MUC17: variants seen among roughly 807,000 people sequenced by gnomAD.
The protein encoded by MUC17 is mucin-17.
Under a neutral mutation model 170.3 loss-of-function variants are expected in MUC17, and 190 were observed. The ratio of observed to expected loss-of-function variants is 1.12; its 90% CI spans 0.99 to 1.26. MUC17 has a LOEUF of 1.26. MUC17 is among the 50% of genes most tolerant of loss of function. The pLI is 0.00. For synonymous variants in MUC17, 2,325 were observed against 2,002.5 expected (o/e 1.16, Z -4.30); for missense variants, 6,415 against 5,530.0 (o/e 1.16, Z -5.08).
rs1240091547 is a variant in MUC17, at chr7:101,029,885, C to T, written c.83-1235C>T. ...AAATGCTGAGATTACAGGCGTGAAC[C>T]ACCGTGCCCGACCTCTTTTAGGTTT... is the stretch of plus-strand genomic sequence containing the variant. On this transcript the variant is annotated intron_variant, in intron 1 of 12. Coordinates refer to ENST00000306151, the MANE Select transcript of MUC17 (RefSeq NM_001040105.2). Among the ~76,000 whole-genome samples, 7 of 152,248 alleles carry T rather than the reference C, an allele frequency of 4.6e-5. No homozygotes were observed. In the East Asian group the frequency reaches 1.4e-3, roughly 29 times the overall value.
At chr7:101,050,149 C>G (rs1794911795) in intron 6 of MUC17, among the ~76,000 whole-genome samples, 1 of 152,112 alleles carries the variant, frequency 6.6e-6, no homozygotes, top group Admixed American at 6.5e-5. Context: ...AACCCAAAAA[C>G]CTCAAGGATG....
At chr7:101,028,216 G>C (rs1330165689) in intron 1 of MUC17, among the ~76,000 whole-genome samples, 1 of 149,630 alleles carries the variant, frequency 6.7e-6, no homozygotes. Flanking sequence ...TCAGCCTCCC[G>C]AGTAGCTGGG....
chr7:101,035,558 C>G lies in MUC17; in HGVS notation c.4142C>G (p.Ser1381Cys). The G allele has an allele frequency of 6.2e-7, 1 of 1,602,648 alleles. No individual in the cohort carries two copies. Among genetic ancestry groups the G allele is most frequent in the Non-Finnish European group, 8.5e-7 (1 of 1,173,528 alleles). The change falls in exon 3 of 13, where the codon TCT becomes TGT. Residue 1381 changes from serine to cysteine, a missense_variant. Physicochemically the swap from Ser to Cys is moderately radical, Grantham distance 112 (BLOSUM62 -1). Transcript: ENST00000306151. The part of the protein sequence containing the change: ...STEACSSPTT[S>C]EGTSMPNSNP... ...GAAGCCTGTTCATCTCCTACAACTT[C>G]TGAAGGTACCAGCATGCCAAACTCA...
chr7:101,031,009 C>T, intron 1 of MUC17, 111 bp from the exon 2 acceptor site: 4 of 1,312,290 alleles, frequency 3.0e-6, no homozygotes, highest in Non-Finnish European at 4.1e-6. Context: ...AATCAGCAGG[C>T]TGGTTCAGGG....
intron 11 of MUC17, among the ~76,000 whole-genome samples, chr7:101,054,056 T>C (rs150474008): frequency 0.18 from 2,892 of 16,214 alleles, 57 homozygotes; most frequent in African/African-American, 0.27. Flanking sequence ...CAAGACCCTG[T>C]CAAAAAAAAA....
rs763016905 is a variant in MUC17 at position 101,041,819 on chromosome 7, C to G, written c.10403C>G (p.Thr3468Arg). Residue 3468 changes from threonine (T) to arginine (R), a missense_variant, in exon 3 of 13, where the codon ACG (threonine) becomes AGG (arginine). Thr to Arg is a moderately conservative substitution (Grantham distance 71, BLOSUM62 -1). Coordinates refer to ENST00000306151, the MANE Select transcript of MUC17 (RefSeq NM_001040105.2). Reference sequence around the variant, plus strand: ...TTATCAATTATGCCTCTCAGTACCACGCCGGTGGCCAGTTCTGAGGCTAGC... The same window carrying G: ...TTATCAATTATGCCTCTCAGTACCAGGCCGGTGGCCAGTTCTGAGGCTAGC... ...TPLSIMPLST[T>R]PVASSEASTL... 1.2e-6 allele frequency: 2 copies of G among 1,614,066 alleles called. No homozygotes were observed. The highest frequency in any genetic ancestry group is 2.2e-5 in the East Asian group (1 of 44,878).
chr7:101,045,514 C>T (rs1305963814), intron 3 of MUC17, among the ~76,000 whole-genome samples: 1 of 152,260 alleles, frequency 6.6e-6, no homozygotes, highest in Admixed American at 6.5e-5. Flanking sequence ...TCACCTCAAC[C>T]TCCCAAGTAG....
intron 3 of MUC17, among the ~76,000 whole-genome samples, chr7:101,047,552 G>A (rs1010481255): frequency 5.3e-5 from 8 of 152,098 alleles, no homozygotes; most frequent in South Asian, 4.1e-4. Flanking sequence ...TGTCGGAGCC[G>A]GGCGCAGTGG....
rs143454108 is a variant in MUC17, at chr7:101,034,239, T to G, written c.2823T>G (p.Ala941=). The G allele has an allele frequency of 1.1e-4, 180 of 1,598,388 alleles. 3 individuals carry two copies. The Middle Eastern group carries it at 3.7e-3, about 33-fold the overall frequency. Residue 941 remains alanine (A), a synonymous_variant, in exon 3 of 13, where the codon GCT becomes GCG. Coordinates refer to ENST00000306151, the MANE Select transcript of MUC17 (RefSeq NM_001040105.2). ...DSTTPVVSSE[A]RTLSATPVDT... ...CCACGCCGGTAGTCAGTTCTGAGGC[T>G]AGAACACTTTCAGCAACTCCTGTTG...
chr7:101,025,811 A>G (rs1017237928), intron 1 of MUC17, among the ~76,000 whole-genome samples: 26 of 150,126 alleles, frequency 1.7e-4, no homozygotes, highest in Non-Finnish European at 3.3e-4. Flanking sequence ...AAAAAAAAAA[A>G]GCTGGGCATG....
rs147264588 is a variant in MUC17 at position 101,033,676 on chromosome 7, G to T, written c.2260G>T (p.Val754Phe). The T allele has an allele frequency of 1.5e-5, 24 of 1,613,514 alleles. No homozygotes were observed. The highest frequency in any genetic ancestry group is 3.3e-4 in the Middle Eastern group (2 of 6,080). The change falls in exon 3 of 13, where the codon GTC becomes TTC. Residue 754 changes from valine (V) to phenylalanine (F), a missense_variant. By Grantham distance (50) the Val-to-Phe change is conservative. Coordinates refer to ENST00000306151, the MANE Select transcript of MUC17 (RefSeq NM_001040105.2). ...AAGCACTCCATTAACAAGTATGCCTGTCAGCAAAACGCTGTTGACCAGTTC... is the reference window on the plus strand; with the variant it reads ...AAGCACTCCATTAACAAGTATGCCTTTCAGCAAAACGCTGTTGACCAGTTC... ...EGSTPLTSMPVSKTLLTSSEA... is the reference protein window; with the variant it reads ...EGSTPLTSMPFSKTLLTSSEA...
chr7:101,038,817 G>C lies in MUC17; in HGVS notation c.7401G>C (p.Pro2467=). Residue 2467 remains proline, a synonymous_variant, in exon 3 of 13, where the codon CCG becomes CCC. Transcript: ENST00000306151. ...PLASMPVSTT[P]VVSSEAGTLS... ...CAAGTATGCCTGTCAGCACCACGCC[G>C]GTGGTCAGTTCTGAGGCTGGCACCC... 6.2e-7 allele frequency: 1 copy of C among 1,611,822 alleles called. No homozygotes were observed. The highest frequency in any genetic ancestry group is 8.5e-7 in the Non-Finnish European group (1 of 1,179,226).
chr7:101,038,464 G>A lies in MUC17; in HGVS notation c.7048G>A (p.Val2350Met), dbSNP rs1476311735. Reference sequence around the variant, plus strand: ...ACGTATGCCTGTCAGCACCACAATGGTGGCCAGTTTTGAAACAAGCACACT... The same window carrying A: ...ACGTATGCCTGTCAGCACCACAATGATGGCCAGTTTTGAAACAAGCACACT... ...LTRMPVSTTMVASFETSTLST... is the reference protein window; with the variant it reads ...LTRMPVSTTMMASFETSTLST... Residue 2350 changes from valine (V) to methionine (M), a missense_variant, in exon 3 of 13, where the codon GTG becomes ATG. Physicochemically the swap from Val to Met is conservative, Grantham distance 21 (BLOSUM62 1). Transcript: ENST00000306151. 21 of 1,604,128 alleles carry A rather than the reference G, an allele frequency of 1.3e-5. No homozygotes were observed. Among genetic ancestry groups the A allele is most frequent in the Non-Finnish European group, 1.8e-5 (21 of 1,174,284 alleles).
Position 101,042,533 on chromosome 7 carries a change from T to C in MUC17, c.11117T>C (p.Val3706Ala), listed in dbSNP as rs1010995347. ...LTTMPVSTTR[V>A]TSSEGSTLST... Reference sequence around the variant, plus strand: ...ACTATGCCTGTCAGCACCACACGTGTGACCAGCTCTGAGGGTAGCACCCTT... The same window carrying C: ...ACTATGCCTGTCAGCACCACACGTGCGACCAGCTCTGAGGGTAGCACCCTT... The change falls in exon 3 of 13, where the codon GTG becomes GCG. Residue 3706 changes from valine (V) to alanine (A), a missense_variant. Coordinates refer to ENST00000306151, the MANE Select transcript of MUC17 (RefSeq NM_001040105.2). 3 of 1,613,852 alleles carry C rather than the reference T, an allele frequency of 1.9e-6. No homozygotes were observed. The highest frequency in any genetic ancestry group is 2.2e-5 in the South Asian group (2 of 91,084).
chr7:101,026,839 T>C (rs561616204), intron 1 of MUC17, among the ~76,000 whole-genome samples: 5 of 152,206 alleles, frequency 3.3e-5, no homozygotes, highest in Admixed American at 3.3e-4. Flanking sequence ...CTCAGCCTCT[T>C]GAGTACCTGG....
At position 101,036,613 on chromosome 7, in the gene MUC17, A is replaced by G. The variant is rs377738200; in HGVS notation, c.5197A>G (p.Thr1733Ala). The G allele has an allele frequency of 1.4e-5, 23 of 1,610,626 alleles. No individual in the cohort carries two copies. Among genetic ancestry groups the G allele is most frequent in the Non-Finnish European group, 1.9e-5 (22 of 1,179,016 alleles). The change falls in exon 3 of 13, where the codon ACT becomes GCT. Residue 1733 changes from threonine to alanine, a missense_variant. Coordinates refer to ENST00000306151, the MANE Select transcript of MUC17 (RefSeq NM_001040105.2). ...TSTEARSSPT[T>A]SEGTSMPNST... Reference sequence around the variant, plus strand: ...TACTGAAGCCCGTTCATCTCCTACAACTTCTGAAGGTACCAGCATGCCAAA... The same window carrying G: ...TACTGAAGCCCGTTCATCTCCTACAGCTTCTGAAGGTACCAGCATGCCAAA...
rs1794763378 is a variant in MUC17 at position 101,043,066 on chromosome 7, A to G, written c.11650A>G (p.Thr3884Ala). ...ATTAACAACTCTCCTTGTCAGCACC[A>G]CACTTCCAACTAGCTTTCCTGGGGC... ...TPLTTLLVST[T>A]LPTSFPGASI... Residue 3884 changes from threonine to alanine, a missense_variant, in exon 3 of 13, where the codon ACA becomes GCA. Physicochemically the swap from Thr to Ala is moderately conservative, Grantham distance 58. Transcript: ENST00000306151. 1 of 1,614,042 alleles carries G rather than the reference A, an allele frequency of 6.2e-7. No individual in the cohort carries two copies. The highest frequency in any genetic ancestry group is 8.5e-7 in the Non-Finnish European group (1 of 1,180,036).
Position 101,043,210 on chromosome 7 carries a change from G to A in MUC17, c.11794G>A (p.Gly3932Arg), listed in dbSNP as rs74974199. 3.1e-6 allele frequency: 5 copies of A among 1,613,986 alleles called. No individual in the cohort carries two copies. In the East Asian group the frequency reaches 8.9e-5, roughly 29 times the overall value. ...TTISVSVITE[G>R]STPGTTIFIP... is the part of the protein sequence containing the mutation. ...CATATCTGTATCAGTGATCACAGAA[G>A]GAAGCACACCTGGGACAACCATTTT... Residue 3932 changes from glycine (G) to arginine (R), a missense_variant, in exon 3 of 13, where the codon GGA (glycine) becomes AGA (arginine). By Grantham distance (125) the Gly-to-Arg change is moderately radical (BLOSUM62 -2). Transcript: ENST00000306151.
rs1032073420 is a variant in MUC17 at position 101,037,259 on chromosome 7, C to T, written c.5843C>T (p.Thr1948Ile). 1.9e-6 allele frequency: 3 copies of T among 1,610,972 alleles called. No homozygotes were observed. Among genetic ancestry groups the T allele is most frequent in the African/African-American group, 2.7e-5 (2 of 74,854 alleles). The change falls in exon 3 of 13, where the codon ACA (threonine) becomes ATA (isoleucine). Residue 1948 changes from threonine to isoleucine, a missense_variant. Transcript: ENST00000306151. Reference sequence around the variant, plus strand: ...AGTTCTGAAATCAACACCCTTTCAACAACTCTTGCTGACACCAGGACACCT... The same window carrying T: ...AGTTCTGAAATCAACACCCTTTCAATAACTCTTGCTGACACCAGGACACCT... Reference protein sequence around the residue: ...VASSEINTLSTTLADTRTPVT... With the variant: ...VASSEINTLSITLADTRTPVT...
Sources: gnomAD v4.1 joint callset for allele counts (sites outside exome capture counted in the v4.1 genomes callset) on GRCh38, gnomAD v4.1.1 for gene constraint, MANE v1.5 for transcripts, NCBI Gene and HGNC (gene_info 2026-07-23, HGNC 2026-07-21) for gene names.